CSF1R: variants seen among roughly 807,000 people sequenced by gnomAD.
CSF1R encodes macrophage colony-stimulating factor 1 receptor.
In CSF1R, 40 loss-of-function variants were observed where a neutral mutation model predicts 110.0. The observed-to-expected ratio is 0.36, with a 90% CI of 0.28 to 0.47. The LOEUF is 0.47. Among genes scored for constraint, CSF1R ranks in the 20% least tolerant of loss-of-function variants. The pLI is 0.99. For missense variants in CSF1R, 1,052 were observed against 1,253.0 expected (o/e 0.84, Z 2.42); for synonymous variants, 523 against 503.4 (o/e 1.04, Z -0.52).
chr5:150,100,306 TTTTTTTTC>T (rs1369773963), intron 1 of CSF1R, among the ~76,000 whole-genome samples: 4 of 135,034 alleles, frequency 3.0e-5, no homozygotes, highest in African/African-American at 1.1e-4. Flanking sequence ...TTTTTTTTTT[TTTTTTTTC>T]TGAGACGGAG....
chr5:150,088,545 CTTTT>C (rs1561951984), upstream of CSF1R, among the ~76,000 whole-genome samples: 1 of 141,036 alleles, frequency 7.1e-6, no homozygotes, highest in South Asian at 2.2e-4. Context: ...TTCTTTCTTT[CTTTT>C]TTGAGACAGG....
At chr5:150,061,393 G>A (rs1757514422) in intron 12 of CSF1R, 98 bp downstream of exon 12, 5 of 1,087,132 alleles carry the variant, frequency 4.6e-6, no homozygotes, top group African/African-American at 1.6e-5. Context: ...GGCTTCAACA[G>A]GTTGAAATGT....
rs1201428534 is a variant in CSF1R at position 150,078,151 on chromosome 5, A to G, written c.690T>C (p.Asp230=). The stretch of plus-strand genomic sequence containing the variant: ...GTTGGAGGAAGACATCAAAGTTAAC[A>G]TCAACGCTGCTGGCTGAGCACACGA... ...AQIVCSASSV[D]VNFDVFLQHN... The change falls in exon 4 of 21, where the codon GAT becomes GAC. Residue 230 remains aspartate (D), a synonymous_variant. Coordinates refer to ENST00000675795, the MANE Select transcript of CSF1R (RefSeq NM_001288705.3). 6.2e-7 allele frequency: 1 copy of G among 1,614,090 alleles called. No homozygotes were observed. Among genetic ancestry groups the G allele is most frequent in the Admixed American group, 1.7e-5 (1 of 60,012 alleles).
intron 9 of CSF1R, 138 bp downstream of exon 9, chr5:150,069,735 C>T (rs1757945346): frequency 3.9e-6 from 3 of 778,870 alleles, no homozygotes; most frequent in African/African-American, 3.5e-5. Context: ...GAGAGGTGGA[C>T]CTTGGTACTG....
chr5:150,097,512 T>A (rs73275701), intron 1 of CSF1R, among the ~76,000 whole-genome samples: 3,604 of 152,204 alleles, frequency 0.024, 158 homozygotes, highest in African/African-American at 0.083. Context: ...GGAGATGAAA[T>A]GATTGTCTTC....
At chr5:150,092,671 A>C (rs1759085492) in intron 1 of CSF1R, among the ~76,000 whole-genome samples, 1 of 152,186 alleles carries the variant, frequency 6.6e-6, no homozygotes, top group Non-Finnish European at 1.5e-5. Flanking sequence ...ATCTCGTGAG[A>C]CTTAATCACT....
chr5:150,098,010 G>A (rs1232469119), intron 1 of CSF1R, among the ~76,000 whole-genome samples: 1 of 152,158 alleles, frequency 6.6e-6, no homozygotes, highest in African/African-American at 2.4e-5. Context: ...ACTCTATAAA[G>A]CTATAATATA....
chr5:150,073,157 C>T, intron 6 of CSF1R, 144 bp downstream of exon 6: 1 of 745,406 alleles, frequency 1.3e-6, no homozygotes, highest in Non-Finnish European at 2.2e-6. Flanking sequence ...TCCATGAAGT[C>T]AGGGAAAGCG....
chr5:150,085,450 C>A (rs111520905), intron 1 of CSF1R, among the ~76,000 whole-genome samples: 169 of 152,120 alleles, frequency 1.1e-3, no homozygotes, highest in Admixed American at 3.2e-3. Context: ...TCCCCATCCT[C>A]CCCCAAGGTC....
chr5:150,060,763 A>C, intron 13 of CSF1R, 99 bp downstream of exon 13: 2 of 702,954 alleles, frequency 2.8e-6, no homozygotes, highest in African/African-American at 3.6e-5. Context: ...TTGGAGCAGT[A>C]GGATCCTGAG....
upstream of CSF1R, among the ~76,000 whole-genome samples, chr5:150,089,761 C>T (rs1488733456): frequency 2.0e-5 from 3 of 152,296 alleles, no homozygotes; most frequent in South Asian, 6.2e-4. Flanking sequence ...AGGAGTCACA[C>T]TTTTCAATTT....
intron 1 of CSF1R, among the ~76,000 whole-genome samples, chr5:150,091,660 G>A (rs1028632157): frequency 2.6e-5 from 4 of 152,090 alleles, no homozygotes; most frequent in African/African-American, 9.7e-5. Flanking sequence ...TTGGGGTGAT[G>A]AAATGTCTTG....
intron 1 of CSF1R, among the ~76,000 whole-genome samples, chr5:150,108,870 G>A (rs1205230247): frequency 1.3e-5 from 2 of 152,158 alleles, no homozygotes; most frequent in Non-Finnish European, 2.9e-5. Flanking sequence ...ACATGTGGGT[G>A]AGGGAAGAGC....
At chr5:150,083,385 C>CACAT (rs1385324618) in intron 1 of CSF1R, among the ~76,000 whole-genome samples, 6 of 146,982 alleles carry the variant, frequency 4.1e-5, no homozygotes, top group African/African-American at 1.6e-4. Context: ...CACACACACA[C>CACAT]ACACACACAC....
intron 1 of CSF1R, among the ~76,000 whole-genome samples, chr5:150,106,825 C>G (rs967587164): frequency 1.6e-4 from 24 of 152,218 alleles, no homozygotes; most frequent in African/African-American, 5.8e-4. Flanking sequence ...CTGCTTCCAC[C>G]TGGCCCATAA....
At position 150,070,493 on chromosome 5, in the gene CSF1R, T is replaced by C. The variant is rs1757986559; in HGVS notation, c.1161A>G (p.Gly387=). Residue 387 remains glycine (G), a synonymous_variant, in exon 7 of 21, where the codon GGA becomes GGG. Coordinates refer to ENST00000675795, the MANE Select transcript of CSF1R (RefSeq NM_001288705.3). Reference sequence around the variant, plus strand: ...GCTCAAACGTCAGAGCTCTCCAGCCTCCTGGGTTTCTGGCCAGGAAGGAGT... The same window carrying C: ...GCTCAAACGTCAGAGCTCTCCAGCCCCCTGGGTTTCTGGCCAGGAAGGAGT... ...GRYSFLARNP[G]GWRALTFELT... 1.3e-6 allele frequency: 2 copies of C among 1,558,872 alleles called. No homozygotes were observed. The highest frequency in any genetic ancestry group is 1.4e-5 in the African/African-American group (1 of 73,382).
At chr5:150,059,622 C>A (rs574559704) in intron 14 of CSF1R, 78 bp downstream of exon 14, 2 of 1,559,112 alleles carry the variant, frequency 1.3e-6, no homozygotes, top group African/African-American at 2.7e-5. Context: ...AGCCATCCAA[C>A]CCTGAGCTGG....
chr5:150,070,303 CTGAGGAAGAAA>C lies in CSF1R; in HGVS notation c.1199-12_1199-2del. The C allele has an allele frequency of 6.2e-7, 1 of 1,613,496 alleles. No individual in the cohort carries two copies. Among genetic ancestry groups the C allele is most frequent in the Non-Finnish European group, 8.5e-7 (1 of 1,179,648 alleles). ...CATATGACGCTTACCTCTGGGGGGTCTGAGGAAGAAAGGAGGAGGCCCCAAGTCACACTTTC... is the reference window on the plus strand; with the variant it reads ...CATATGACGCTTACCTCTGGGGGGTCGGAGGAGGCCCCAAGTCACACTTTC... On this transcript the variant is annotated splice_acceptor_variant and splice_polypyrimidine_tract_variant and intron_variant, in intron 7 of 20. Transcript: ENST00000675795. LOFTEE classifies it high-confidence loss of function.
chr5:150,073,307 G>A lies in CSF1R; in HGVS notation c.1076C>T (p.Thr359Ile). Reference sequence around the variant, plus strand: ...GGGAGCTGATAAGTGGTACCTGTATGTGTCCTTGGTGGTAGCATTAGCAAG... The same window carrying A: ...GGGAGCTGATAAGTGGTACCTGTATATGTCCTTGGTGGTAGCATTAGCAAG... ...PKLANATTKD[T>I]YRHTFTLSLP... Residue 359 changes from threonine (T) to isoleucine (I), a missense_variant, in exon 6 of 21, where the codon ACA (threonine) becomes ATA (isoleucine). By Grantham distance (89) the Thr-to-Ile change is moderately conservative (BLOSUM62 -1). Transcript: ENST00000675795. The A allele has an allele frequency of 1.2e-6, 2 of 1,613,416 alleles. No individual in the cohort carries two copies. Among genetic ancestry groups the A allele is most frequent in the Non-Finnish European group, 1.7e-6 (2 of 1,179,662 alleles).
Sources: allele counts gnomAD v4.1 joint callset (sites outside exome capture counted in the v4.1 genomes callset), GRCh38; gene constraint gnomAD v4.1.1; transcripts MANE v1.5; gene names NCBI Gene and HGNC (gene_info 2026-07-23, HGNC 2026-07-21).